The following KCNQ5 variants were observed in gnomAD, a reference collection of about 807,000 sequenced individuals.
KCNQ5 encodes the protein potassium voltage-gated channel subfamily Q member 5.
A neutral mutation model predicts 98.2 loss-of-function variants in KCNQ5; 30 were observed. That is an observed-to-expected ratio of 0.31 (90% confidence interval 0.23 to 0.41). KCNQ5 has a LOEUF of 0.41. Among genes scored for constraint, KCNQ5 ranks in the 10% least tolerant of loss-of-function variants. The pLI, the probability that KCNQ5 is intolerant of heterozygous loss-of-function variation, is 1.00. For missense variants in KCNQ5, 835 were observed against 1,182.5 expected (o/e 0.71, Z 4.31); for synonymous variants, 458 against 449.4 (o/e 1.02, Z -0.24).
intron 2 of KCNQ5, among the ~76,000 whole-genome samples, chr6:73,029,788 C>T (rs1362303862): frequency 1.3e-5 from 2 of 149,530 alleles, no homozygotes; most frequent in Non-Finnish European, 3.0e-5. Context: ...AAAAAATTAG[C>T]TGGGCGTAGC....
intron 2 of KCNQ5, among the ~76,000 whole-genome samples, chr6:73,015,983 A>T (rs9446819): frequency 0.085 from 12,955 of 152,190 alleles, 1,851 homozygotes; most frequent in African/African-American, 0.29. Flanking sequence ...GTACCCAATA[A>T]GGATGAGGCA....
At chr6:73,183,082 A>C (rs979455736) in intron 11 of KCNQ5, among the ~76,000 whole-genome samples, 26 of 152,308 alleles carry the variant, frequency 1.7e-4, no homozygotes, top group African/African-American at 5.5e-4. Context: ...TGAATAAATG[A>C]CTAATGTGGC....
At chr6:72,799,945 AT>A (rs1258793776) in intron 1 of KCNQ5, among the ~76,000 whole-genome samples, 3 of 152,170 alleles carry the variant, frequency 2.0e-5, no homozygotes, top group African/African-American at 4.8e-5. Context: ...TATATTTTAA[AT>A]TTTATTTATT....
chr6:72,913,734 C>G (rs1298427864), intron 1 of KCNQ5, among the ~76,000 whole-genome samples: 1 of 151,996 alleles, frequency 6.6e-6, no homozygotes, highest in Non-Finnish European at 1.5e-5. Flanking sequence ...GGCTGAGGCC[C>G]CTGTAAGAAA....
At chr6:73,041,418 G>A (rs993574777) in intron 2 of KCNQ5, among the ~76,000 whole-genome samples, 1 of 152,176 alleles carries the variant, frequency 6.6e-6, no homozygotes, top group African/African-American at 2.4e-5. Context: ...TGTTTTATAA[G>A]GAGATTTTGA....
chr6:73,124,406 T>C, intron 8 of KCNQ5, 80 bp from the exon 9 acceptor site: 3 of 1,282,212 alleles, frequency 2.3e-6, no homozygotes, highest in Non-Finnish European at 3.4e-6. Flanking sequence ...TTCCCCAATC[T>C]CCAATTTGGC....
At chr6:72,900,236 A>G (rs1779432815) in intron 1 of KCNQ5, among the ~76,000 whole-genome samples, 1 of 151,884 alleles carries the variant, frequency 6.6e-6, no homozygotes, top group African/African-American at 2.4e-5. Context: ...TACTTCACTT[A>G]GAATAATAGC....
chr6:72,792,188 G>A (rs936737517), intron 1 of KCNQ5, among the ~76,000 whole-genome samples: 5 of 152,112 alleles, frequency 3.3e-5, no homozygotes, highest in Admixed American at 2.0e-4. Flanking sequence ...TTCCAAAAAT[G>A]TTTAAATATT....
At chr6:72,630,211 A>G (rs1464516791) in intron 1 of KCNQ5, among the ~76,000 whole-genome samples, 1 of 152,176 alleles carries the variant, frequency 6.6e-6, no homozygotes, top group Non-Finnish European at 1.5e-5. Flanking sequence ...AGAACATTAA[A>G]TTTACTCTTG....
intron 3 of KCNQ5, among the ~76,000 whole-genome samples, chr6:73,063,010 A>G (rs924833625): frequency 2.0e-5 from 3 of 152,194 alleles, no homozygotes; most frequent in African/African-American, 7.2e-5. Flanking sequence ...TACAGGTCAC[A>G]ATGTCAAAAT....
chr6:72,938,085 G>T (rs1766029773), intron 1 of KCNQ5, among the ~76,000 whole-genome samples: 1 of 152,138 alleles, frequency 6.6e-6, no homozygotes, highest in Admixed American at 6.5e-5. Flanking sequence ...AAAATACTTG[G>T]CATACAAATG....
chr6:72,871,475 T>G (rs1044813479), intron 1 of KCNQ5, among the ~76,000 whole-genome samples: 1 of 152,136 alleles, frequency 6.6e-6, no homozygotes, highest in Non-Finnish European at 1.5e-5. Context: ...ATTTAATCTG[T>G]TAAATAAACA....
chr6:73,169,761 G>C lies in KCNQ5; in HGVS notation c.1484G>C (p.Gly495Ala). 2 of 1,612,784 alleles carry C rather than the reference G, an allele frequency of 1.2e-6. No individual in the cohort carries two copies. The highest frequency in any genetic ancestry group is 8.5e-7 in the Non-Finnish European group (1 of 1,178,838). Reference sequence around the variant, plus strand: ...TCTCTTGCAGCTGACACAGCCCTTGGCACTGATGATGTATATGATGAAAAA... The same window carrying C: ...TCTCTTGCAGCTGACACAGCCCTTGCCACTGATGATGTATATGATGAAAAA... ...KPVIDADTALGTDDVYDEKGC... is the reference protein window; with the variant it reads ...KPVIDADTALATDDVYDEKGC... The change falls in exon 11 of 14, where the codon GGC (glycine) becomes GCC (alanine). Residue 495 changes from glycine (G) to alanine (A), a missense_variant. By Grantham distance (60) the Gly-to-Ala change is moderately conservative (BLOSUM62 0). Transcript: ENST00000370398.
chr6:72,643,793 CTTTAA>C (rs1765447874), intron 1 of KCNQ5, among the ~76,000 whole-genome samples: 1 of 152,078 alleles, frequency 6.6e-6, no homozygotes, highest in African/African-American at 2.4e-5. Context: ...CCAGAATTTT[CTTTAA>C]TTTAGAGATT....
At chr6:72,763,700 T>C (rs1462197025) in intron 1 of KCNQ5, among the ~76,000 whole-genome samples, 4 of 152,000 alleles carry the variant, frequency 2.6e-5, no homozygotes, top group African/African-American at 7.2e-5. Flanking sequence ...CTGAATTCCA[T>C]AATATTCTAG....
intron 1 of KCNQ5, among the ~76,000 whole-genome samples, chr6:72,698,660 T>C (rs1218539132): frequency 1.4e-5 from 2 of 143,494 alleles, no homozygotes; most frequent in Admixed American, 7.0e-5. Flanking sequence ...TTTTTTTTTT[T>C]TTTTTTTTTT....
chr6:72,735,789 T>C (rs953322926), intron 1 of KCNQ5, among the ~76,000 whole-genome samples: 5 of 152,040 alleles, frequency 3.3e-5, no homozygotes, highest in Non-Finnish European at 5.9e-5. Flanking sequence ...CTTTGAAAAA[T>C]GAAGAAGCTT....
rs536770956 is a variant in KCNQ5 at position 73,171,351 on chromosome 6, T to C, written c.1577+1497T>C. Among the ~76,000 whole-genome samples the C allele has an allele frequency of 3.3e-5, 5 of 152,322 alleles. No individual in the cohort carries two copies. In the South Asian group the frequency reaches 1.0e-3, roughly 32 times the overall value. On this transcript the variant is annotated intron_variant, in intron 11 of 13. Coordinates refer to ENST00000370398, the MANE Select transcript of KCNQ5 (RefSeq NM_019842.4). ...CATAAGTGTTAATAATGCTCCCATC[T>C]TTCTCAAAGTATCCCAGTTTGGACA...
intron 2 of KCNQ5, among the ~76,000 whole-genome samples, chr6:73,013,034 A>G (rs775859632): frequency 6.6e-6 from 1 of 152,084 alleles, no homozygotes; most frequent in Non-Finnish European, 1.5e-5. Context: ...GGACACAAGT[A>G]CAGGTGAACT....
Sources: gnomAD v4.1 joint callset for allele counts (sites outside exome capture counted in the v4.1 genomes callset) on GRCh38, gnomAD v4.1.1 for gene constraint, MANE v1.5 for transcripts, NCBI Gene and HGNC (gene_info 2026-07-23, HGNC 2026-07-21) for gene names.